NUDT16: variants seen among roughly 807,000 people sequenced by gnomAD.
The protein encoded by NUDT16 is nudix hydrolase 16.
A neutral mutation model predicts 11.7 loss-of-function variants in NUDT16; 12 were observed. The observed-to-expected ratio is 1.03, with a 90% CI of 0.66 to 1.67. NUDT16 has a LOEUF of 1.67. Ranked by LOEUF, NUDT16 falls within the 40% of genes most tolerant of loss-of-function variation. NUDT16 has a pLI of 0.00. For synonymous variants in NUDT16, 129 were observed against 122.6 expected (o/e 1.05, Z -0.35); for missense variants, 303 against 268.9 (o/e 1.13, Z -0.89).
intron 2 of NUDT16, chr3:131,382,689 T>TA (rs2110658749): frequency 1.4e-6 from 2 of 1,435,156 alleles, no homozygotes; most frequent in Middle Eastern, 2.1e-4. Context: ...CAGGCAGGGC[T>TA]AGTAGATAGA....
At position 131,387,367 on chromosome 3, in the gene NUDT16, A is replaced by G. The variant is rs2097460544; in HGVS notation, c.*4026A>G. The G allele has an allele frequency of 6.6e-6, 1 of 152,232 alleles. No individual in the cohort carries two copies. The highest frequency in any genetic ancestry group is 2.4e-5 in the African/African-American group (1 of 41,430). 9.4% of individuals were successfully genotyped at this position (152,232 alleles called of 1,614,324 possible). A position where few individuals can be genotyped will look rare whatever the true frequency, so the allele number is the denominator to read the frequency against. On this transcript the variant is annotated 3_prime_UTR_variant, in exon 3 of 3. Transcript: ENST00000521288. Reference sequence around the variant, plus strand: ...CAGGGGCCAGCTGGGCAGAGATGAAATCTTGCAAAGGAACCCTTCTTACAC... The same window carrying G: ...CAGGGGCCAGCTGGGCAGAGATGAAGTCTTGCAAAGGAACCCTTCTTACAC...
rs1293014973 is a variant in NUDT16 at position 131,382,191 on chromosome 3, ACCG to A, written c.286_288del (p.Arg96del). Reference sequence around the variant, plus strand: ...GCTTTCCGCGTGGAGCGCACTGACTACCGCAGCTCCCACGTCGGGTCAGGGCCA... The same window carrying A: ...GCTTTCCGCGTGGAGCGCACTGACTACAGCTCCCACGTCGGGTCAGGGCCA... On this transcript the variant is annotated inframe_deletion, in exon 2 of 3. Coordinates refer to ENST00000521288, the MANE Select transcript of NUDT16 (RefSeq NM_152395.3). 6.2e-7 allele frequency: 1 copy of A among 1,611,744 alleles called. No homozygotes were observed. Among genetic ancestry groups the A allele is most frequent in the Admixed American group, 1.7e-5 (1 of 59,898 alleles).
chr3:131,383,575 T>C lies in NUDT16; in HGVS notation c.*234T>C. ...CCCTGGCAGGTTCTCAGAGCCTGCC[T>C]CCTCCCTGTTTATATGCGTACAGCC... On this transcript the variant is annotated 3_prime_UTR_variant, in exon 3 of 3. Transcript: ENST00000521288. This position sits in a 1 kb window ranked among gnomAD's most constrained non-coding sequence, Gnocchi z 4.4. The C allele has an allele frequency of 1.2e-6, 1 of 811,462 alleles. No individual in the cohort carries two copies. Among genetic ancestry groups the C allele is most frequent in the Non-Finnish European group, 1.9e-6 (1 of 526,040 alleles). The allele number at this position is 811,462 out of a possible 1,614,324, so 50.3% of individuals were successfully genotyped here.
At position 131,382,113 on chromosome 3, in the gene NUDT16, T is replaced by C. The variant is rs1198387827; in HGVS notation, c.206T>C (p.Leu69Pro). 1 of 1,608,358 alleles carries C rather than the reference T, an allele frequency of 6.2e-7. No homozygotes were observed. ...TTCGTGGACACGCAGGACAGAAGCC[T>C]AGAGGACGGGCTGAACCGCGAGCTG... The part of the protein sequence containing the change: ...GGFVDTQDRS[L>P]EDGLNRELRE... Residue 69 changes from leucine (L) to proline (P), a missense_variant, in exon 2 of 3, where the codon CTA becomes CCA. Transcript: ENST00000521288.
chr3:131,388,655 CTG>C lies in NUDT16; in HGVS notation c.*5316_*5317del, dbSNP rs1447575805. The C allele has an allele frequency of 5.9e-5, 9 of 152,266 alleles. No individual in the cohort carries two copies. Among genetic ancestry groups the C allele is most frequent in the African/African-American group, 1.9e-4 (8 of 41,544 alleles). 9.4% of individuals were successfully genotyped at this position (152,266 alleles called of 1,614,324 possible). Reference sequence around the variant, plus strand: ...AGGAAATAACTGATCGACAGGAAAACTGTAGGAAATTTGTGGGCTGGCTGTGA... The same window carrying C: ...AGGAAATAACTGATCGACAGGAAAACTAGGAAATTTGTGGGCTGGCTGTGA... On this transcript the variant is annotated 3_prime_UTR_variant, in exon 3 of 3. Transcript: ENST00000521288.
In NUDT16 at chr3:131,386,873, G is replaced by C. The variant is rs905948416; in HGVS notation, c.*3532G>C. 6.6e-6 allele frequency: 1 copy of C among 152,202 alleles called. No individual in the cohort carries two copies. The highest frequency in any genetic ancestry group is 2.4e-5 in the African/African-American group (1 of 41,442). The allele number at this position is 152,202 out of a possible 1,614,324, so 9.4% of individuals were successfully genotyped here. On this transcript the variant is annotated 3_prime_UTR_variant, in exon 3 of 3. Transcript: ENST00000521288. ...ACCGGAACCCTTAGAGCTGGGAGCCGGCCAGTGAAACAGACAAGGGGAGGG... is the reference window on the plus strand; with the variant it reads ...ACCGGAACCCTTAGAGCTGGGAGCCCGCCAGTGAAACAGACAAGGGGAGGG...
rs1385659823 is a variant in NUDT16, at chr3:131,381,848, TG to T, written c.48del (p.Ser17ArgfsTer30). ...CTGGAGCTAGGCGAGGCCCTGGCGCTGGGGTCGGGCTGGCGTCATGCGTGCC... is the reference window on the plus strand; with the variant it reads ...CTGGAGCTAGGCGAGGCCCTGGCGCTGGGTCGGGCTGGCGTCATGCGTGCC... Reference protein sequence around the residue: ...RRLELGEALALGSGWRHACHA... With the variant: ...RRLELGEALAXGSGWRHACHA... On this transcript the variant is annotated frameshift_variant, in exon 1 of 3. Coordinates refer to ENST00000521288, the MANE Select transcript of NUDT16 (RefSeq NM_152395.3). LOFTEE classifies it high-confidence loss of function. The T allele has an allele frequency of 1.9e-6, 3 of 1,597,812 alleles. No individual in the cohort carries two copies. Among genetic ancestry groups the T allele is most frequent in the East Asian group, 4.5e-5 (2 of 44,494 alleles).
rs576393185 is a variant in NUDT16 at position 131,381,817 on chromosome 3, C to A, written c.13C>A (p.Arg5Ser). 1 of 1,565,990 alleles carries A rather than the reference C, an allele frequency of 6.4e-7. No individual in the cohort carries two copies. The highest frequency in any genetic ancestry group is 8.6e-7 in the Non-Finnish European group (1 of 1,162,612). Residue 5 changes from arginine to serine, a missense_variant, in exon 1 of 3, where the codon CGC becomes AGC. Transcript: ENST00000521288. ...GCAGTGTCCGGCCATGGCCGGAGCCCGCAGGCTGGAGCTAGGCGAGGCCCT... is the reference window on the plus strand; with the variant it reads ...GCAGTGTCCGGCCATGGCCGGAGCCAGCAGGCTGGAGCTAGGCGAGGCCCT... MAGA[R>S]RLELGEALAL...
upstream of NUDT16, chr3:131,381,675 G>T (rs1221635303): frequency 5.8e-6 from 6 of 1,031,112 alleles, no homozygotes; most frequent in African/African-American, 3.3e-5. Context: ...GCCCCCAGGC[G>T]CCTAGGTTCC....
chr3:131,382,757 A>G (rs765915136), intron 2 of NUDT16: 10 of 1,311,428 alleles, frequency 7.6e-6, no homozygotes, highest in Non-Finnish European at 9.9e-6. Flanking sequence ...GGGGCGTCTT[A>G]TTAAAATAGC....
intron 1 of NUDT16, 43 bp from the exon 2 acceptor site, chr3:131,382,000 TCTC>T (rs2097455688): frequency 1.3e-6 from 2 of 1,588,660 alleles, no homozygotes; most frequent in Admixed American, 1.7e-5. Flanking sequence ...TCTCTGGTGG[TCTC>T]CTCTGGGGCG....
chr3:131,388,462 T>C lies in NUDT16; in HGVS notation c.*5121T>C, dbSNP rs1173005493. The C allele has an allele frequency of 6.6e-6, 1 of 152,178 alleles. No homozygotes were observed. The allele number at this position is 152,178 out of a possible 1,614,324, so 9.4% of individuals were successfully genotyped here. A position where few individuals can be genotyped will look rare whatever the true frequency, so the allele number is the denominator to read the frequency against. On this transcript the variant is annotated 3_prime_UTR_variant, in exon 3 of 3. Transcript: ENST00000521288. ...ATAAAAACTAAAAAGCATCAGACTG[T>C]TTTTTGTGTGAAGGAAATTTGTAAG...
rs1369460803 is a variant in NUDT16, at chr3:131,384,506, A to G, written c.*1165A>G. The stretch of plus-strand genomic sequence containing the variant: ...AAGGCATGTTTAAGATGGGAGGTAG[A>G]GCATGCCAATATTGATGGCAACAGT... On this transcript the variant is annotated 3_prime_UTR_variant, in exon 3 of 3. Transcript: ENST00000521288. The G allele has an allele frequency of 1.3e-5, 2 of 152,216 alleles. No homozygotes were observed. Among genetic ancestry groups the G allele is most frequent in the Non-Finnish European group, 2.9e-5 (2 of 68,076 alleles). 9.4% of individuals were successfully genotyped at this position (152,216 alleles called of 1,614,324 possible). A position where few individuals can be genotyped will look rare whatever the true frequency, so the allele number is the denominator to read the frequency against.
rs529410141 is a variant in NUDT16 at position 131,388,455 on chromosome 3, C to T, written c.*5114C>T. 24 of 152,316 alleles carry T rather than the reference C, an allele frequency of 1.6e-4. No homozygotes were observed. Among genetic ancestry groups the T allele is most frequent in the African/African-American group, 5.8e-4 (24 of 41,580 alleles). 9.4% of individuals were successfully genotyped at this position (152,316 alleles called of 1,614,324 possible). On this transcript the variant is annotated 3_prime_UTR_variant, in exon 3 of 3. Transcript: ENST00000521288. The stretch of plus-strand genomic sequence containing the variant: ...CAAAAAGATAAAAACTAAAAAGCAT[C>T]AGACTGTTTTTTGTGTGAAGGAAAT...
chr3:131,382,579 A>G (rs1016656070), intron 2 of NUDT16: 36 of 1,528,736 alleles, frequency 2.4e-5, no homozygotes, highest in East Asian at 4.9e-5. Flanking sequence ...GCTGTTCCCT[A>G]TTGACAGTGT....
rs1330305210 is a variant in NUDT16, at chr3:131,384,069, G to A, written c.*728G>A. On this transcript the variant is annotated 3_prime_UTR_variant, in exon 3 of 3. Coordinates refer to ENST00000521288, the MANE Select transcript of NUDT16 (RefSeq NM_152395.3). ...CCTGAGACTCCGAGACTATCAGAAG[G>A]GAATTGACCCACCCCAGTCTAGCAC... The A allele has an allele frequency of 6.6e-6, 1 of 152,654 alleles. No individual in the cohort carries two copies. The highest frequency in any genetic ancestry group is 1.9e-4 in the East Asian group (1 of 5,182). The allele number at this position is 152,654 out of a possible 1,614,324, so 9.5% of individuals were successfully genotyped here.
rs763295353 is a variant in NUDT16, at chr3:131,381,811, G to A, written c.7G>A (p.Gly3Arg). 8.3e-6 allele frequency: 13 copies of A among 1,558,550 alleles called. No homozygotes were observed. Among genetic ancestry groups the A allele is most frequent in the Non-Finnish European group, 1.1e-5 (13 of 1,158,870 alleles). Residue 3 changes from glycine to arginine, a missense_variant, in exon 1 of 3, where the codon GGA becomes AGA. Coordinates refer to ENST00000521288, the MANE Select transcript of NUDT16 (RefSeq NM_152395.3). MA[G>R]ARRLELGEAL... ...AGAGGAGCAGTGTCCGGCCATGGCC[G>A]GAGCCCGCAGGCTGGAGCTAGGCGA...
Position 131,381,883 on chromosome 3 carries a change from C to A in NUDT16, c.79C>A (p.Leu27Ile). The A allele has an allele frequency of 6.2e-7, 1 of 1,609,288 alleles. No individual in the cohort carries two copies. The highest frequency in any genetic ancestry group is 8.5e-7 in the Non-Finnish European group (1 of 1,179,634). ...CTGGCGTCATGCGTGCCACGCTCTC[C>A]TCTACGCGCCGGACCCTGGGATGCT... ...SGWRHACHAL[L>I]YAPDPGMLFG... The change falls in exon 1 of 3, where the codon CTC becomes ATC. Residue 27 changes from leucine (L) to isoleucine (I), a missense_variant. Physicochemically the swap from Leu to Ile is conservative, Grantham distance 5. Transcript: ENST00000521288.
At chr3:131,382,623 T>C (rs1229376496) in intron 2 of NUDT16, 1 of 1,477,468 alleles carries the variant, frequency 6.8e-7, no homozygotes, top group African/African-American at 1.4e-5. Context: ...TGTGGCAACC[T>C]AGGTTTTATT....
Sources: gnomAD v4.1 joint callset for allele counts on GRCh38, gnomAD v4.1.1 for gene constraint, Gnocchi (gnomAD v3.1) non-coding constraint, MANE v1.5 for transcripts, NCBI Gene and HGNC (gene_info 2026-07-23, HGNC 2026-07-21) for gene names.